DYM: variants seen among roughly 807,000 people sequenced by gnomAD.
The protein encoded by DYM is dymeclin, also known as dyggve-Melchior-Clausen syndrome protein.
DYM carries 78 observed loss-of-function variants against 93.1 expected under a neutral mutation model. That is an observed-to-expected ratio of 0.84 (90% CI 0.70 to 1.01). DYM has a LOEUF of 1.01. DYM is among the 50% of genes least tolerant of loss of function. The pLI is 0.00. For missense variants in DYM, 789 were observed against 845.0 expected (o/e 0.93, Z 0.82); for synonymous variants, 321 against 319.7 (o/e 1.00, Z -0.04).
chr18:49,357,670 C>T (rs1427499989), intron 6 of DYM, among the ~76,000 whole-genome samples: 2 of 152,144 alleles, frequency 1.3e-5, no homozygotes, highest in Non-Finnish European at 2.9e-5. Flanking sequence ...TACTAATTTA[C>T]TCAGTAAAGA....
intron 13 of DYM, among the ~76,000 whole-genome samples, chr18:49,236,479 CA>C (rs57432048): frequency 2.0e-4 from 28 of 142,476 alleles, no homozygotes; most frequent in East Asian, 1.2e-3. Context: ...GACTCTGTCT[CA>C]AAAAAAAAAA....
At chr18:49,097,606 G>C in intron 16 of DYM, 91 bp from the exon 17 acceptor site, 1 of 1,109,154 alleles carries the variant, frequency 9.0e-7, no homozygotes, top group South Asian at 1.3e-5. Context: ...AAACTATCAT[G>C]ATTCCATTCC....
chr18:49,375,013 C>T (rs2067360945), intron 5 of DYM, among the ~76,000 whole-genome samples: 2 of 151,134 alleles, frequency 1.3e-5, no homozygotes, highest in South Asian at 4.2e-4. Flanking sequence ...AAAAGTTCAA[C>T]AGGAATTACT....
chr18:49,254,281 CATAT>C (rs3084549), intron 13 of DYM, among the ~76,000 whole-genome samples: 185 of 136,472 alleles, frequency 1.4e-3, no homozygotes, highest in South Asian at 2.1e-3. Flanking sequence ...ATCCTTGTAT[CATAT>C]ATATATATAT....
At chr18:49,186,482 C>T (rs901919784) in intron 14 of DYM, among the ~76,000 whole-genome samples, 1 of 152,076 alleles carries the variant, frequency 6.6e-6, no homozygotes, top group African/African-American at 2.4e-5. Context: ...TTTTATGCCA[C>T]CCCCTACGCT....
intron 13 of DYM, among the ~76,000 whole-genome samples, chr18:49,217,166 G>C (rs1195746410): frequency 6.6e-6 from 1 of 152,170 alleles, no homozygotes; most frequent in Non-Finnish European, 1.5e-5. Context: ...GATGCAAGAT[G>C]AAATGAATGA....
intron 8 of DYM, among the ~76,000 whole-genome samples, chr18:49,303,934 C>T (rs2061114012): frequency 6.6e-6 from 1 of 152,220 alleles, no homozygotes. Context: ...GCTATGCATG[C>T]AGTGCTTGTT....
At chr18:49,340,939 C>T (rs2064068088) in intron 6 of DYM, among the ~76,000 whole-genome samples, 1 of 152,168 alleles carries the variant, frequency 6.6e-6, no homozygotes, top group African/African-American at 2.4e-5. Flanking sequence ...ATGCCATTAA[C>T]TAAATCAAGG....
At chr18:49,105,987 TG>T (rs1369004602) in intron 16 of DYM, among the ~76,000 whole-genome samples, 2 of 152,206 alleles carry the variant, frequency 1.3e-5, no homozygotes, top group Non-Finnish European at 2.9e-5. Flanking sequence ...CTTGTTGATC[TG>T]TCTAATGTTG....
intron 17 of DYM, among the ~76,000 whole-genome samples, chr18:49,089,882 G>C (rs1377447946): frequency 3.3e-5 from 5 of 152,138 alleles, no homozygotes; most frequent in African/African-American, 4.8e-5. Flanking sequence ...TACAGTCCTT[G>C]TCCTGCAAAA....
At chr18:49,185,451 G>T (rs1179411291) in intron 14 of DYM, among the ~76,000 whole-genome samples, 1 of 152,176 alleles carries the variant, frequency 6.6e-6, no homozygotes, top group Non-Finnish European at 1.5e-5. Flanking sequence ...TAGACAGGTA[G>T]AAGTTGTAAT....
chr18:49,417,140 C>T (rs565563764), intron 2 of DYM, among the ~76,000 whole-genome samples: 1 of 152,136 alleles, frequency 6.6e-6, no homozygotes, highest in South Asian at 2.1e-4. Flanking sequence ...AAGGTGGTAG[C>T]GGTGGTGTTG....
intron 1 of DYM, among the ~76,000 whole-genome samples, chr18:49,439,746 G>A (rs2081167333): frequency 2.0e-5 from 3 of 152,124 alleles, no homozygotes; most frequent in East Asian, 1.9e-4. Flanking sequence ...GCTCATGCCT[G>A]TAATTCCAGC....
At chr18:49,310,534 CACAT>C (rs1213508211) in intron 8 of DYM, among the ~76,000 whole-genome samples, 1 of 152,136 alleles carries the variant, frequency 6.6e-6, no homozygotes, top group African/African-American at 2.4e-5. Flanking sequence ...ATATTTGCCA[CACAT>C]ACATAGAAGA....
intron 8 of DYM, among the ~76,000 whole-genome samples, chr18:49,315,206 C>A (rs1424280401): frequency 7.8e-6 from 1 of 128,226 alleles, no homozygotes; most frequent in African/African-American, 2.6e-5. Context: ...CAGAGCAAGA[C>A]CCTGTGTTAA....
intron 11 of DYM, among the ~76,000 whole-genome samples, chr18:49,264,656 T>C (rs1355309314): frequency 6.6e-6 from 1 of 152,172 alleles, no homozygotes; most frequent in Non-Finnish European, 1.5e-5. Context: ...CTTTGCCCAT[T>C]TTTCTATCGA....
intron 13 of DYM, among the ~76,000 whole-genome samples, chr18:49,230,304 G>A (rs975674077): frequency 3.9e-5 from 6 of 152,116 alleles, no homozygotes; most frequent in African/African-American, 1.4e-4. Context: ...AGAAAATTAG[G>A]TTATAGATTT....
chr18:49,347,346 T>C (rs1307448675), intron 6 of DYM, among the ~76,000 whole-genome samples: 1 of 152,118 alleles, frequency 6.6e-6, no homozygotes, highest in East Asian at 1.9e-4. Flanking sequence ...AAATGCATCA[T>C]CTATATAAAA....
intron 8 of DYM, among the ~76,000 whole-genome samples, chr18:49,330,232 A>T (rs919717078): frequency 2.0e-5 from 3 of 152,236 alleles, no homozygotes; most frequent in African/African-American, 7.2e-5. Context: ...TTGTGACTAT[A>T]TAGCACACTA....
Sources: allele counts gnomAD v4.1 joint callset (sites outside exome capture counted in the v4.1 genomes callset), GRCh38; gene constraint gnomAD v4.1.1; transcripts MANE v1.5; gene names NCBI Gene and HGNC (gene_info 2026-07-23, HGNC 2026-07-21).